CAMK1D: variants seen among roughly 807,000 people sequenced by gnomAD.
CAMK1D encodes calcium/calmodulin-dependent protein kinase type 1D.
CAMK1D carries 9 observed loss-of-function variants against 47.7 expected under a neutral mutation model. The ratio of observed to expected loss-of-function variants is 0.19; its 90% CI spans 0.11 to 0.33. CAMK1D has a LOEUF of 0.33. Among genes scored for constraint, CAMK1D ranks in the 10% least tolerant of loss-of-function variants. The pLI is 1.00. For synonymous variants in CAMK1D, 184 were observed against 184.9 expected (o/e 0.99, Z 0.04); for missense variants, 291 against 488.7 (o/e 0.60, Z 3.81).
intron 1 of CAMK1D, among the ~76,000 whole-genome samples, chr10:12,532,857 G>A (rs896810843): frequency 6.6e-6 from 1 of 150,628 alleles, no homozygotes; most frequent in Non-Finnish European, 1.5e-5. Context: ...GACAAACATC[G>A]CATGTTCTCA....
At chr10:12,644,121 C>T (rs1158030013) in intron 2 of CAMK1D, among the ~76,000 whole-genome samples, 1 of 152,126 alleles carries the variant, frequency 6.6e-6, no homozygotes, top group Admixed American at 6.6e-5. Flanking sequence ...CTGTCCTGGT[C>T]CATGGAAAAA....
At chr10:12,407,621 T>A (rs1355502824) in intron 1 of CAMK1D, among the ~76,000 whole-genome samples, 7 of 152,214 alleles carry the variant, frequency 4.6e-5, no homozygotes. Flanking sequence ...ACAGTCTTCA[T>A]CCAAGGATGG....
chr10:12,404,841 A>G (rs1839359770), intron 1 of CAMK1D, among the ~76,000 whole-genome samples: 2 of 151,738 alleles, frequency 1.3e-5, no homozygotes, highest in East Asian at 1.9e-4. Context: ...AGCATGCGCC[A>G]CCACACCTGG....
At chr10:12,792,966 A>G (rs1309479966) in intron 6 of CAMK1D, among the ~76,000 whole-genome samples, 5 of 47,390 alleles carry the variant, frequency 1.1e-4, no homozygotes, top group East Asian at 9.4e-4. Flanking sequence ...GCGCGCACAC[A>G]CACACACACA....
intron 1 of CAMK1D, among the ~76,000 whole-genome samples, chr10:12,446,416 C>A (rs192307650): frequency 6.6e-6 from 1 of 152,230 alleles, no homozygotes; most frequent in Non-Finnish European, 1.5e-5. Flanking sequence ...GCAGCGAGGA[C>A]AACAAGAGGT....
At chr10:12,551,129 C>G (rs1836564311) in intron 1 of CAMK1D, among the ~76,000 whole-genome samples, 1 of 152,324 alleles carries the variant, frequency 6.6e-6, no homozygotes, top group African/African-American at 2.4e-5. Flanking sequence ...TGCCACACAG[C>G]AAGAGGTGAA....
chr10:12,610,138 C>T (rs1218854476), intron 2 of CAMK1D, among the ~76,000 whole-genome samples: 2 of 152,074 alleles, frequency 1.3e-5, no homozygotes, highest in Non-Finnish European at 2.9e-5. Flanking sequence ...AATTTAAAGC[C>T]ACCAACTGAA....
chr10:12,353,639 T>A (rs552648310), intron 1 of CAMK1D, among the ~76,000 whole-genome samples: 9 of 152,268 alleles, frequency 5.9e-5, no homozygotes, highest in African/African-American at 1.9e-4. Context: ...TGGCCTGGGT[T>A]GTCTGATGCA....
intron 3 of CAMK1D, among the ~76,000 whole-genome samples, chr10:12,686,608 G>A (rs932724946): frequency 2.0e-5 from 3 of 152,072 alleles, no homozygotes; most frequent in African/African-American, 7.2e-5. Flanking sequence ...ACAGGCATTA[G>A]CCACCACACC....
At chr10:12,826,418 T>C (rs1048042190) in intron 10 of CAMK1D, among the ~76,000 whole-genome samples, 6 of 152,332 alleles carry the variant, frequency 3.9e-5, no homozygotes, top group Admixed American at 1.3e-4. Context: ...AGCTCATTTA[T>C]GTGAAGTGCA....
intron 1 of CAMK1D, among the ~76,000 whole-genome samples, chr10:12,496,511 A>G (rs1021975761): frequency 1.3e-5 from 2 of 152,148 alleles, no homozygotes; most frequent in African/African-American, 4.8e-5. Flanking sequence ...AGCTGACGTC[A>G]GTGAGGAGAG....
In CAMK1D at chr10:12,776,411, A is replaced by G. The variant is rs376085336; in HGVS notation, c.565+6612A>G. On this transcript the variant is annotated intron_variant, in intron 5 of 10. Coordinates refer to ENST00000619168, the MANE Select transcript of CAMK1D (RefSeq NM_153498.4). ...ACTAAGCCAAGAGGGCAGCTGGAACATGACCCTGGAACTATGTGCAGTCGA... is the reference window on the plus strand; with the variant it reads ...ACTAAGCCAAGAGGGCAGCTGGAACGTGACCCTGGAACTATGTGCAGTCGA... Among the ~76,000 whole-genome samples, 29 of 152,206 alleles carry G rather than the reference A, an allele frequency of 1.9e-4. 1 individual carries two copies. The East Asian group carries it at 1.9e-3, about 10-fold the overall frequency.
intron 2 of CAMK1D, chr10:12,653,041 A>C (rs190013983): frequency 6.5e-6 from 1 of 153,616 alleles, no homozygotes; most frequent in Non-Finnish European, 1.5e-5. Flanking sequence ...GGGAAGTCCA[A>C]GGTGGAGGGG....
At chr10:12,504,596 T>C (rs1372006078) in intron 1 of CAMK1D, among the ~76,000 whole-genome samples, 1 of 152,168 alleles carries the variant, frequency 6.6e-6, no homozygotes, top group Non-Finnish European at 1.5e-5. Flanking sequence ...TAGACACACC[T>C]AGAAACGATG....
At chr10:12,682,828 C>G (rs758349675) in intron 3 of CAMK1D, among the ~76,000 whole-genome samples, 45,227 of 151,944 alleles carry the variant, frequency 0.3, 7,413 homozygotes, top group South Asian at 0.51. Flanking sequence ...CTGATATTTA[C>G]TTAGTCAACA....
chr10:12,508,169 A>T (rs890990420), intron 1 of CAMK1D, among the ~76,000 whole-genome samples: 1 of 152,210 alleles, frequency 6.6e-6, no homozygotes. Flanking sequence ...GCTCTGTGCT[A>T]TGTATGTCCT....
intron 1 of CAMK1D, among the ~76,000 whole-genome samples, chr10:12,458,350 G>A (rs1034361040): frequency 1.3e-5 from 2 of 152,192 alleles, no homozygotes; most frequent in African/African-American, 4.8e-5. Flanking sequence ...CCATGCTGAG[G>A]CCAGAGGGGA....
chr10:12,582,529 G>A (rs1028906361), intron 2 of CAMK1D, among the ~76,000 whole-genome samples: 2 of 152,124 alleles, frequency 1.3e-5, no homozygotes, highest in African/African-American at 4.8e-5. Context: ...CCATTTGTTT[G>A]TGTCATCTAC....
intron 2 of CAMK1D, among the ~76,000 whole-genome samples, chr10:12,570,445 G>T (rs191685009): frequency 2.6e-5 from 4 of 151,888 alleles, no homozygotes; most frequent in Admixed American, 6.6e-5. Flanking sequence ...TTGGGAGGCC[G>T]AGATGGGTGG....
Sources: allele counts gnomAD v4.1 joint callset (sites outside exome capture counted in the v4.1 genomes callset), GRCh38; gene constraint gnomAD v4.1.1; transcripts MANE v1.5; gene names NCBI Gene and HGNC (gene_info 2026-07-23, HGNC 2026-07-21).